The following USP43 variants were observed in gnomAD, a reference collection of about 807,000 sequenced individuals.
USP43 encodes ubiquitin specific peptidase 43.
In USP43, 33 loss-of-function variants were observed where a neutral mutation model predicts 90.7. That is an observed-to-expected ratio of 0.36 (90% CI 0.28 to 0.49). USP43 has a LOEUF of 0.49. USP43 is among the 20% of genes least tolerant of loss of function. USP43 has a pLI of 0.98. For synonymous variants in USP43, 598 were observed against 615.8 expected (o/e 0.97, Z 0.43); for missense variants, 1,274 against 1,476.4 (o/e 0.86, Z 2.25).
Position 9,645,632 on chromosome 17 carries a change from C to T in USP43, c.-1C>T. ...CGCCTGGAGCTGCGCCGGCGGCAGC[C>T]ATGGACCTGGGCCCCGGGGACGCGG... On this transcript the variant is annotated 5_prime_UTR_variant, in exon 1 of 15. Coordinates refer to ENST00000285199, the MANE Select transcript of USP43 (RefSeq NM_153210.5). The surrounding 1 kb of genome is among the most constrained non-coding windows in gnomAD (Gnocchi z 6.8). The T allele has an allele frequency of 8.3e-7, 1 of 1,212,040 alleles. No homozygotes were observed. Among genetic ancestry groups the T allele is most frequent in the Non-Finnish European group, 1.0e-6 (1 of 976,656 alleles). 75.1% of individuals were successfully genotyped at this position (1,212,040 alleles called of 1,614,324 possible).
At chr17:9,690,225 C>G (rs1597855960) in intron 8 of USP43, among the ~76,000 whole-genome samples, 2 of 152,274 alleles carry the variant, frequency 1.3e-5, no homozygotes, top group Admixed American at 1.3e-4. Flanking sequence ...AATTATGATG[C>G]TTTTCTCTTG....
chr17:9,684,924 T>C (rs1914513569), intron 7 of USP43, among the ~76,000 whole-genome samples: 1 of 152,230 alleles, frequency 6.6e-6, no homozygotes, highest in African/African-American at 2.4e-5. Flanking sequence ...TAAATTGGTA[T>C]GGCTTCTTTG....
At chr17:9,681,192 A>ATG (rs1914188276) in intron 6 of USP43, among the ~76,000 whole-genome samples, 3 of 68,570 alleles carry the variant, frequency 4.4e-5, no homozygotes, top group Non-Finnish European at 7.1e-5. Context: ...ATACTATATA[A>ATG]TATATACTAT....
rs183171945 is a variant in USP43 at position 9,703,228 on chromosome 17, C to G, written c.2011+1528C>G. On this transcript the variant is annotated intron_variant, in intron 12 of 14. Transcript: ENST00000285199. ...TTATGGCTGAATGAGTCCCCGTGCA[C>G]ACATGAGTGGTGAAAATAAGGACAG... 3.0e-3 allele frequency among the ~76,000 whole-genome samples: 461 copies of G among 151,666 alleles called. 5 individuals are homozygous for G. The highest frequency in any genetic ancestry group is 0.011 in the African/African-American group (442 of 41,306).
chr17:9,655,973 G>A (rs972144697), intron 1 of USP43, among the ~76,000 whole-genome samples: 1 of 152,140 alleles, frequency 6.6e-6, no homozygotes, highest in Non-Finnish European at 1.5e-5. Flanking sequence ...AGCAAGTAGG[G>A]CTAGAAGGCT....
chr17:9,700,595 A>T (rs997463826), intron 10 of USP43, among the ~76,000 whole-genome samples: 2 of 152,108 alleles, frequency 1.3e-5, no homozygotes, highest in South Asian at 2.1e-4. Flanking sequence ...ATCACACCCT[A>T]TGTGTGGGTG....
At chr17:9,698,754 C>G (rs1413182048) in intron 9 of USP43, among the ~76,000 whole-genome samples, 1 of 152,158 alleles carries the variant, frequency 6.6e-6, no homozygotes, top group Non-Finnish European at 1.5e-5. Context: ...ATTTTCCACT[C>G]CCATGTTTAA....
intron 14 of USP43, among the ~76,000 whole-genome samples, chr17:9,727,360 C>A (rs1243979025): frequency 6.6e-6 from 1 of 152,152 alleles, no homozygotes; most frequent in Non-Finnish European, 1.5e-5. Context: ...GCCCTATCCA[C>A]ACCTTGTTTT....
At chr17:9,676,455 C>T (rs748562301) in intron 4 of USP43, among the ~76,000 whole-genome samples, 5 of 152,126 alleles carry the variant, frequency 3.3e-5, no homozygotes, top group Admixed American at 6.5e-5. Flanking sequence ...CTACAAGCTC[C>T]GCCTCTCAGG....
intron 12 of USP43, among the ~76,000 whole-genome samples, chr17:9,708,004 C>G (rs890917822): frequency 6.6e-6 from 1 of 152,154 alleles, no homozygotes; most frequent in Non-Finnish European, 1.5e-5. Context: ...GACATAAGGC[C>G]TCTGCAAGGA....
At chr17:9,671,472 T>G (rs938046747) in intron 3 of USP43, among the ~76,000 whole-genome samples, 1 of 152,130 alleles carries the variant, frequency 6.6e-6, no homozygotes, top group African/African-American at 2.4e-5. Flanking sequence ...TAAAGTGGAC[T>G]GGGTTTGAGG....
Position 9,710,074 on chromosome 17 carries a change from G to A in USP43, c.2130G>A (p.Arg710=). The A allele has an allele frequency of 1.3e-6, 2 of 1,551,706 alleles. No homozygotes were observed. Among genetic ancestry groups the A allele is most frequent in the Non-Finnish European group, 1.7e-6 (2 of 1,149,110 alleles). Residue 710 remains arginine, a synonymous_variant, in exon 13 of 15, where the codon CGG becomes CGA. Coordinates refer to ENST00000285199, the MANE Select transcript of USP43 (RefSeq NM_153210.5). ...RGAYILFYQK[R]NSIPPWSASS... is the part of the protein sequence containing the mutation. ...CTTATATCCTGTTCTATCAGAAGCG[G>A]AACAGCATCCCTCCCTGGTCAGCCA...
At chr17:9,702,299 A>G (rs1043797013) in intron 12 of USP43, among the ~76,000 whole-genome samples, 8 of 152,188 alleles carry the variant, frequency 5.3e-5, no homozygotes, top group Non-Finnish European at 1.2e-4. Flanking sequence ...GTGGTGAACC[A>G]TGATTGCACC....
chr17:9,660,847 G>A (rs880335), intron 2 of USP43, among the ~76,000 whole-genome samples: 16,266 of 152,276 alleles, frequency 0.11, 933 homozygotes, highest in African/African-American at 0.15. Flanking sequence ...CTCTTTCTCT[G>A]TCTGGGGTCA....
chr17:9,662,725 A>G (rs1394524848), intron 2 of USP43, among the ~76,000 whole-genome samples: 1 of 152,164 alleles, frequency 6.6e-6, no homozygotes, highest in Non-Finnish European at 1.5e-5. Context: ...TCTGAGTTCA[A>G]AACTCATCAG....
chr17:9,658,558 A>G (rs1912422991), intron 2 of USP43, among the ~76,000 whole-genome samples: 1 of 152,206 alleles, frequency 6.6e-6, no homozygotes, highest in African/African-American at 2.4e-5. Context: ...AAACGAAGCA[A>G]ACAATCACCA....
intron 9 of USP43, among the ~76,000 whole-genome samples, chr17:9,698,997 T>C (rs572046053): frequency 2.0e-5 from 3 of 152,282 alleles, no homozygotes; most frequent in African/African-American, 7.2e-5. Context: ...GAAAGAAGCT[T>C]AGATCTAGGG....
At chr17:9,685,367 G>A (rs991315014) in intron 7 of USP43, among the ~76,000 whole-genome samples, 5 of 152,304 alleles carry the variant, frequency 3.3e-5, no homozygotes, top group Admixed American at 6.5e-5. Flanking sequence ...ACTGCTGTGC[G>A]CTTACTATGT....
At chr17:9,689,571 C>T (rs1460492025) in intron 8 of USP43, among the ~76,000 whole-genome samples, 1 of 151,944 alleles carries the variant, frequency 6.6e-6, no homozygotes, top group Admixed American at 6.6e-5. Context: ...GCCATCATGC[C>T]TGGTTAATTA....
Sources: allele counts gnomAD v4.1 joint callset (sites outside exome capture counted in the v4.1 genomes callset), GRCh38; gene constraint gnomAD v4.1.1; non-coding constraint Gnocchi (gnomAD v3.1); transcripts MANE v1.5; gene names NCBI Gene and HGNC (gene_info 2026-07-23, HGNC 2026-07-21).